Variants in PAM observed in about 807,000 individuals in gnomAD.
PAM encodes the protein peptidyl-glycine alpha-amidating monooxygenase.
PAM carries 72 observed loss-of-function variants against 122.1 expected under a neutral mutation model. The observed-to-expected ratio is 0.59, with a 90% CI of 0.49 to 0.72. The LOEUF (loss-of-function observed/expected upper bound fraction) is 0.72. Ranked by LOEUF, PAM falls within the 30% of genes least tolerant of loss-of-function variation. The pLI is 0.00. For synonymous variants in PAM, 389 were observed against 404.4 expected (o/e 0.96, Z 0.46); for missense variants, 1,106 against 1,183.7 (o/e 0.93, Z 0.96).
At chr5:102,871,251 T>G (rs1787325991) in intron 3 of PAM, among the ~76,000 whole-genome samples, 1 of 152,104 alleles carries the variant, frequency 6.6e-6, no homozygotes. Flanking sequence ...GAAGACTGAG[T>G]GACATAATGT....
intron 3 of PAM, among the ~76,000 whole-genome samples, chr5:102,892,982 T>C (rs1263348873): frequency 6.6e-6 from 1 of 151,820 alleles, no homozygotes; most frequent in Non-Finnish European, 1.5e-5. Context: ...AAAAAATTGA[T>C]CTAATTTAGC....
chr5:102,832,258 G>C (rs1775687737), intron 1 of PAM, among the ~76,000 whole-genome samples: 1 of 152,116 alleles, frequency 6.6e-6, no homozygotes, highest in Admixed American at 6.6e-5. Context: ...TTTTAAGGCA[G>C]ATTTGACATT....
chr5:102,880,559 A>AT (rs1361250827), intron 3 of PAM, among the ~76,000 whole-genome samples: 21 of 152,160 alleles, frequency 1.4e-4, no homozygotes, highest in African/African-American at 4.6e-4. Flanking sequence ...ATTAAGGACC[A>AT]TTTTTTCTGC....
chr5:102,930,082 TTTTG>T lies in PAM; in HGVS notation c.526+3427_526+3430del, dbSNP rs541594467. Among the ~76,000 whole-genome samples, 189 of 152,288 alleles carry T rather than the reference TTTTG, an allele frequency of 1.2e-3. 2 individuals carry two copies. Among genetic ancestry groups the T allele is most frequent in the African/African-American group, 3.1e-3 (128 of 41,556 alleles). ...ATAAAATGTTTGCTTTACTTTGTTT[TTTTG>T]TTTGTTTGTTTGGTGTTTTGGAAAT... On this transcript the variant is annotated intron_variant, in intron 7 of 25. Transcript: ENST00000438793.
At chr5:102,771,032 T>G (rs1260660124) in intron 1 of PAM, among the ~76,000 whole-genome samples, 1 of 152,134 alleles carries the variant, frequency 6.6e-6, no homozygotes, top group African/African-American at 2.4e-5. Flanking sequence ...AAACCTGCTG[T>G]TACAGCATGT....
intron 1 of PAM, among the ~76,000 whole-genome samples, chr5:102,802,086 A>G (rs1222723876): frequency 2.6e-5 from 4 of 152,126 alleles, no homozygotes; most frequent in Non-Finnish European, 5.9e-5. Context: ...CCCGGCCGGG[A>G]AAAGGTATTT....
intron 1 of PAM, among the ~76,000 whole-genome samples, chr5:102,823,877 A>T (rs1263481212): frequency 6.6e-6 from 1 of 152,220 alleles, no homozygotes; most frequent in Non-Finnish European, 1.5e-5. Flanking sequence ...AACTAACTGT[A>T]TCTCAAATAG....
At chr5:102,765,641 G>T (rs150068049) in intron 1 of PAM, among the ~76,000 whole-genome samples, 1 of 152,196 alleles carries the variant, frequency 6.6e-6, no homozygotes. Context: ...CCACAGAAAT[G>T]TATTGTCTCA....
intron 15 of PAM, among the ~76,000 whole-genome samples, chr5:102,986,734 C>T (rs1771946043): frequency 2.6e-5 from 4 of 152,020 alleles, no homozygotes; most frequent in African/African-American, 9.7e-5. Flanking sequence ...TGGGAGGGAC[C>T]CAGTGGGACG....
chr5:102,936,083 T>C (rs1446184976), intron 7 of PAM, among the ~76,000 whole-genome samples: 1 of 152,188 alleles, frequency 6.6e-6, no homozygotes, highest in Non-Finnish European at 1.5e-5. Flanking sequence ...ATTTTACTAT[T>C]ATCTGTGCAC....
chr5:102,862,482 C>T (rs970338175), intron 1 of PAM, among the ~76,000 whole-genome samples: 1 of 152,046 alleles, frequency 6.6e-6, no homozygotes, highest in Admixed American at 6.6e-5. Flanking sequence ...TCAGTTTAAT[C>T]GTAAGTCATT....
intron 14 of PAM, 86 bp from the exon 15 acceptor site, chr5:102,974,030 G>A (rs1766758780): frequency 1.3e-6 from 1 of 797,698 alleles, no homozygotes; most frequent in South Asian, 1.8e-5. Context: ...TGAGAAATGA[G>A]TAGATATTTT....
rs1398410796 is a variant in PAM, at chr5:102,775,203, TAAA to T, written c.-374+19859_-374+19861del. Among the ~76,000 whole-genome samples the T allele has an allele frequency of 3.9e-5, 6 of 152,234 alleles. No individual in the cohort carries two copies. In the East Asian group the frequency reaches 1.2e-3, roughly 29 times the overall value. On this transcript the variant is annotated intron_variant, in intron 1 of 25. Transcript: ENST00000438793. ...TAATTTGGTTAAATGGAATATGGCC[TAAA>T]AAATTTTTTTTAAAGCAAGGTTGTC...
Position 102,918,024 on chromosome 5 carries a change from C to T in PAM, c.356+4003C>T, listed in dbSNP as rs374810073. On this transcript the variant is annotated intron_variant, in intron 5 of 25. Transcript: ENST00000438793. ...TATGCATGTGCATTTAAATTGCATA[C>T]GTTGATTTGAACCTTTTAATATACT... Among the ~76,000 whole-genome samples, 10 of 152,060 alleles carry T rather than the reference C, an allele frequency of 6.6e-5. No homozygotes were observed. The South Asian group carries it at 8.3e-4, about 13-fold the overall frequency.
chr5:102,804,121 T>A (rs915809844), intron 1 of PAM, among the ~76,000 whole-genome samples: 1 of 152,028 alleles, frequency 6.6e-6, no homozygotes. Context: ...TATGGGGACA[T>A]ATTTGTGCAT....
intron 1 of PAM, among the ~76,000 whole-genome samples, chr5:102,803,206 GAAA>G (rs1765334804): frequency 2.7e-5 from 1 of 37,636 alleles, no homozygotes; most frequent in Admixed American, 3.3e-4. Context: ...AGGAAGGAAG[GAAA>G]GAAGGAAGGA....
At position 102,960,039 on chromosome 5, in the gene PAM, T is replaced by C; in HGVS notation, c.1070T>C (p.Met357Thr). Residue 357 changes from methionine to threonine, a missense_variant, in exon 13 of 26, where the codon ATG becomes ACG. Physicochemically the swap from Met to Thr is moderately conservative, Grantham distance 81. Around this residue, in one of 3 missense-constraint regions of PAM, gnomAD observed 670 missense variants for 690.3 expected, o/e 0.97. Coordinates refer to ENST00000438793, the MANE Select transcript of PAM (RefSeq NM_001177306.2). The stretch of plus-strand genomic sequence containing the variant: ...ATTCCCGTGAAGTCTGATATGGTTA[T>C]GATGCATGAACATCATAAAGGTAAT... ...IPIPVKSDMV[M>T]MHEHHKETEY... The C allele has an allele frequency of 6.3e-7, 1 of 1,599,018 alleles. No individual in the cohort carries two copies. The highest frequency in any genetic ancestry group is 1.1e-5 in the South Asian group (1 of 90,208).
chr5:102,983,024 AAG>A, intron 15 of PAM, among the ~76,000 whole-genome samples: 1 of 152,280 alleles, frequency 6.6e-6, no homozygotes. Context: ...TATTATAAAA[AAG>A]AGTGAAACAG....
chr5:102,809,989 G>T (rs1478536771), intron 1 of PAM, among the ~76,000 whole-genome samples: 2 of 152,102 alleles, frequency 1.3e-5, no homozygotes, highest in Non-Finnish European at 2.9e-5. Flanking sequence ...ATTATAATAG[G>T]TTAAATATTG....
Sources: allele counts gnomAD v4.1 joint callset (sites outside exome capture counted in the v4.1 genomes callset), GRCh38; gene constraint gnomAD v4.1.1; regional missense constraint gnomAD v4.1.1; transcripts MANE v1.5; gene names NCBI Gene and HGNC (gene_info 2026-07-23, HGNC 2026-07-21).